Variants in UIMC1 observed in about 807,000 individuals in gnomAD.
UIMC1 encodes the protein BRCA1-A complex subunit RAP80.
A neutral mutation model predicts 84.9 loss-of-function variants in UIMC1; 42 were observed. That is an observed-to-expected ratio of 0.49 (90% confidence interval 0.39 to 0.64). UIMC1 has a LOEUF of 0.64. Ranked by LOEUF, UIMC1 falls within the 30% of genes least tolerant of loss-of-function variation. The probability of loss-of-function intolerance (pLI) is 0.00; values close to 1 mark genes in which losing one functional copy is unlikely to be tolerated. For missense variants in UIMC1, 825 were observed against 847.6 expected (o/e 0.97, Z 0.33); for synonymous variants, 281 against 293.0 (o/e 0.96, Z 0.42).
intron 1 of UIMC1, among the ~76,000 whole-genome samples, chr5:177,012,079 C>T (rs979701179): frequency 6.6e-6 from 1 of 152,136 alleles, no homozygotes; most frequent in Non-Finnish European, 1.5e-5. Context: ...GGATTACTGG[C>T]GTGAGCCACC....
intron 2 of UIMC1, among the ~76,000 whole-genome samples, chr5:176,976,361 G>T (rs552349683): frequency 6.6e-6 from 1 of 152,032 alleles, no homozygotes. Flanking sequence ...GGTTTGAAAA[G>T]AATTTCTCTG....
Position 176,969,133 on chromosome 5 carries a change from C to T in UIMC1, c.622G>A (p.Val208Met). ...GATTTAACGTTCACATTCTCAAACA[C>T]TGGCTGGCTTGACTGGTCCCAGCTT... is the stretch of plus-strand genomic sequence containing the variant. ...SGSWDQSSQP[V>M]FENVNVKSFD... The change falls in exon 6 of 15, where the codon GTG becomes ATG. Residue 208 changes from valine to methionine, a missense_variant. Val to Met is a conservative substitution (Grantham distance 21). Coordinates refer to ENST00000511320, the MANE Select transcript of UIMC1 (RefSeq NM_001199298.2). The T allele has an allele frequency of 6.2e-7, 1 of 1,614,250 alleles. No individual in the cohort carries two copies. The highest frequency in any genetic ancestry group is 1.1e-5 in the South Asian group (1 of 91,088).
intron 9 of UIMC1, among the ~76,000 whole-genome samples, chr5:176,947,178 G>A (rs564175948): frequency 3.0e-4 from 46 of 152,136 alleles, no homozygotes; most frequent in African/African-American, 1.1e-3. Flanking sequence ...AACCCTGAAG[G>A]TTTCTGAACA....
At chr5:177,005,739 C>G (rs1236683549) in intron 1 of UIMC1, among the ~76,000 whole-genome samples, 1 of 151,880 alleles carries the variant, frequency 6.6e-6, no homozygotes, top group African/African-American at 2.4e-5. Context: ...AAGACAGAAG[C>G]ATAAACTTTT....
In UIMC1 at chr5:176,945,974, A is replaced by AT. The variant is rs529128389; in HGVS notation, c.1444-2487dup. Among the ~76,000 whole-genome samples the AT allele has an allele frequency of 4.6e-4, 70 of 152,346 alleles. No homozygotes were observed. In the South Asian group the frequency reaches 0.014, roughly 30 times the overall value. ...CTGTATACTATACTTCTACATAGAAATGTACTGTACTTCTACATACAAATG... is the reference window on the plus strand; with the variant it reads ...CTGTATACTATACTTCTACATAGAAATTGTACTGTACTTCTACATACAAATG... On this transcript the variant is annotated intron_variant, in intron 9 of 14. Transcript: ENST00000511320.
At chr5:176,907,745 T>C (rs1011301999) in intron 12 of UIMC1, among the ~76,000 whole-genome samples, 8 of 152,200 alleles carry the variant, frequency 5.3e-5, no homozygotes, top group African/African-American at 1.9e-4. Flanking sequence ...TTCGACAGAG[T>C]TGATCTCACA....
At chr5:177,002,368 G>A (rs1389945144) in intron 1 of UIMC1, among the ~76,000 whole-genome samples, 1 of 152,184 alleles carries the variant, frequency 6.6e-6, no homozygotes. Flanking sequence ...GGAGGGTACT[G>A]ATTGGGAAAG....
At chr5:176,992,248 G>T (rs1031181340) in intron 1 of UIMC1, among the ~76,000 whole-genome samples, 2 of 152,056 alleles carry the variant, frequency 1.3e-5, no homozygotes, top group African/African-American at 2.4e-5. Flanking sequence ...TGTAAAATTG[G>T]TTTTTTCTGT....
intron 10 of UIMC1, among the ~76,000 whole-genome samples, chr5:176,931,960 G>A (rs1401874219): frequency 6.6e-6 from 1 of 152,172 alleles, no homozygotes; most frequent in African/African-American, 2.4e-5. Flanking sequence ...GCGACAGAGC[G>A]AGAATCCATC....
chr5:176,915,793 CA>C (rs58297107), intron 10 of UIMC1, among the ~76,000 whole-genome samples: 6,248 of 42,706 alleles, frequency 0.15, 106 homozygotes, highest in East Asian at 0.3. Context: ...GGTCACAAAG[CA>C]AAAAAAAAAA....
chr5:176,999,871 G>A (rs530081564), intron 1 of UIMC1, among the ~76,000 whole-genome samples: 89 of 152,300 alleles, frequency 5.8e-4, no homozygotes, highest in African/African-American at 2.0e-3. Flanking sequence ...TGGGAGTGCA[G>A]ATATCTCTTC....
rs35830185 is a variant in UIMC1, at chr5:176,911,112, G to GAAGAAAAGAAAAGAA, written c.1676+184_1676+198dup. Among the ~76,000 whole-genome samples the GAAGAAAAGAAAAGAA allele has an allele frequency of 1.6e-3, 189 of 116,990 alleles. 1 individual carries two copies. The highest frequency in any genetic ancestry group is 4.6e-3 in the Middle Eastern group (1 of 216). The allele number at this position is 116,990 out of a possible 152,430, so 76.7% of individuals were successfully genotyped here. A position where few individuals can be genotyped will look rare whatever the true frequency, so the allele number is the denominator to read the frequency against. On this transcript the variant is annotated intron_variant, in intron 11 of 14. Coordinates refer to ENST00000511320, the MANE Select transcript of UIMC1 (RefSeq NM_001199298.2). ...CTCAAAAAAAAAAAAGAGAGAGAGA[G>GAAGAAAAGAAAAGAA]AAGAAAAGAAAAGAAAAGAAAAGAA...
At chr5:176,995,621 A>C (rs949125777) in intron 1 of UIMC1, among the ~76,000 whole-genome samples, 4 of 149,900 alleles carry the variant, frequency 2.7e-5, no homozygotes, top group African/African-American at 9.9e-5. Context: ...AGGCGGGTGG[A>C]TCACGAGGTG....
intron 8 of UIMC1, among the ~76,000 whole-genome samples, chr5:176,955,421 A>G (rs1291785209): frequency 6.6e-6 from 1 of 152,160 alleles, no homozygotes; most frequent in Non-Finnish European, 1.5e-5. Context: ...AAATGGCAAT[A>G]TAAAAACTAA....
chr5:176,956,087 T>C (rs749319392), intron 7 of UIMC1, 52 bp from the exon 8 acceptor site: 38 of 1,580,298 alleles, frequency 2.4e-5, no homozygotes, highest in Admixed American at 1.9e-4. Context: ...AATCAGAACA[T>C]AGAGCCAAAA....
intron 10 of UIMC1, among the ~76,000 whole-genome samples, chr5:176,928,220 TGCTTTAACA>T (rs1762621921): frequency 6.6e-6 from 1 of 152,190 alleles, no homozygotes; most frequent in Non-Finnish European, 1.5e-5. Context: ...GCTGCTTTAG[TGCTTTAACA>T]GCAGAGTTGA....
rs34866468 is a variant in UIMC1, at chr5:176,915,241, C to CT, written c.1598-3853dup. Among the ~76,000 whole-genome samples the CT allele has an allele frequency of 5.7e-3, 791 of 139,234 alleles. 4 individuals are homozygous for CT. Among genetic ancestry groups the CT allele is most frequent in the Non-Finnish European group, 8.5e-3 (550 of 64,554 alleles). The allele number at this position is 139,234 out of a possible 152,430, so 91.3% of individuals were successfully genotyped here. A position where few individuals can be genotyped will look rare whatever the true frequency, so the allele number is the denominator to read the frequency against. On this transcript the variant is annotated intron_variant, in intron 10 of 14. Transcript: ENST00000511320. Reference sequence around the variant, plus strand: ...AGAGACTCTGGGTTTTATTTTGTTTCTTTTTTTTTTTTTTTCTCTTCAGCA... The same window carrying CT: ...AGAGACTCTGGGTTTTATTTTGTTTCTTTTTTTTTTTTTTTTCTCTTCAGCA...
chr5:176,919,943 G>A (rs1400240013), intron 10 of UIMC1, among the ~76,000 whole-genome samples: 2 of 152,128 alleles, frequency 1.3e-5, no homozygotes, highest in African/African-American at 4.8e-5. Flanking sequence ...TCTATTCTGT[G>A]CCCCTTGTAT....
intron 1 of UIMC1, among the ~76,000 whole-genome samples, chr5:177,021,358 G>A (rs564709351): frequency 1.4e-4 from 21 of 152,296 alleles, no homozygotes; most frequent in African/African-American, 4.3e-4. Context: ...TCGGGAGACA[G>A]ACAATAAGCA....
Sources: gnomAD v4.1 joint callset for allele counts (sites outside exome capture counted in the v4.1 genomes callset) on GRCh38, gnomAD v4.1.1 for gene constraint, MANE v1.5 for transcripts, NCBI Gene and HGNC (gene_info 2026-07-23, HGNC 2026-07-21) for gene names.